The following ANKRD12 variants were observed in gnomAD, a reference collection of about 807,000 sequenced individuals.
ANKRD12 encodes the protein ankyrin repeat domain 12, also known as ankyrin repeat domain-containing protein 12.
ANKRD12 carries 85 observed loss-of-function variants against 183.4 expected under a neutral mutation model. The ratio of observed to expected loss-of-function variants is 0.46; its 90% confidence interval spans 0.39 to 0.56. The LOEUF (loss-of-function observed/expected upper bound fraction) is 0.56. Ranked by LOEUF, ANKRD12 falls within the 20% of genes least tolerant of loss-of-function variation. ANKRD12 has a pLI of 0.00. For missense variants in ANKRD12, 2,405 were observed against 2,357.1 expected (o/e 1.02, Z -0.42); for synonymous variants, 914 against 800.2 (o/e 1.14, Z -2.40).
chr18:9,243,340 C>T (rs2037766716), intron 8 of ANKRD12, among the ~76,000 whole-genome samples: 1 of 152,196 alleles, frequency 6.6e-6, no homozygotes, highest in South Asian at 2.1e-4. Flanking sequence ...GCTGAGATCA[C>T]TACTAACAAG....
chr18:9,230,101 G>A (rs1227372651), intron 8 of ANKRD12, among the ~76,000 whole-genome samples: 2 of 152,030 alleles, frequency 1.3e-5, no homozygotes, highest in African/African-American at 4.8e-5. Flanking sequence ...GTAATGCTTT[G>A]GTAGAATTCT....
At chr18:9,151,614 A>T (rs1007151841) in intron 1 of ANKRD12, among the ~76,000 whole-genome samples, 1 of 152,190 alleles carries the variant, frequency 6.6e-6, no homozygotes, top group African/African-American at 2.4e-5. Context: ...AATGACCCTT[A>T]AGGACCATTC....
At chr18:9,145,089 A>G (rs1404798773) in intron 1 of ANKRD12, among the ~76,000 whole-genome samples, 1 of 152,156 alleles carries the variant, frequency 6.6e-6, no homozygotes. Flanking sequence ...CAGTTTTACC[A>G]CAATGAACAA....
chr18:9,172,773 TGTG>T (rs1165367817), intron 1 of ANKRD12, among the ~76,000 whole-genome samples: 3 of 152,286 alleles, frequency 2.0e-5, no homozygotes, highest in Non-Finnish European at 4.4e-5. Flanking sequence ...GAAGAGGTGT[TGTG>T]GTAATTTAGA....
intron 9 of ANKRD12, among the ~76,000 whole-genome samples, chr18:9,261,666 A>G (rs1263827174): frequency 4.6e-5 from 7 of 152,178 alleles, no homozygotes; most frequent in South Asian, 2.1e-4. Context: ...CAAAACCGCA[A>G]TTACTTTTGC....
At chr18:9,194,162 A>C (rs1598512580) in intron 2 of ANKRD12, among the ~76,000 whole-genome samples, 1 of 152,062 alleles carries the variant, frequency 6.6e-6, no homozygotes, top group South Asian at 2.1e-4. Context: ...CTATGCATCA[A>C]AATTATGTGG....
At chr18:9,269,662 A>T (rs1452660868) in intron 10 of ANKRD12, among the ~76,000 whole-genome samples, 1 of 152,220 alleles carries the variant, frequency 6.6e-6, no homozygotes, top group Non-Finnish European at 1.5e-5. Context: ...AAAACCATAA[A>T]CACCCTAGAA....
At chr18:9,198,068 G>A (rs1195941730) in intron 3 of ANKRD12, among the ~76,000 whole-genome samples, 1 of 152,114 alleles carries the variant, frequency 6.6e-6, no homozygotes, top group Non-Finnish European at 1.5e-5. Context: ...GTACCATTAA[G>A]TGATATTTCC....
At chr18:9,252,664 G>A (rs1343484937) in intron 8 of ANKRD12, among the ~76,000 whole-genome samples, 1 of 152,196 alleles carries the variant, frequency 6.6e-6, no homozygotes, top group Non-Finnish European at 1.5e-5. Flanking sequence ...ACTCCCTTAA[G>A]ATAATTTACA....
intron 8 of ANKRD12, among the ~76,000 whole-genome samples, chr18:9,240,085 T>G (rs1351280759): frequency 6.6e-6 from 1 of 152,204 alleles, no homozygotes; most frequent in East Asian, 1.9e-4. Context: ...GTGATGTAAT[T>G]GATTTCCATG....
At chr18:9,219,644 A>G (rs1302725426) in intron 7 of ANKRD12, among the ~76,000 whole-genome samples, 1 of 151,830 alleles carries the variant, frequency 6.6e-6, no homozygotes, top group African/African-American at 2.4e-5. Flanking sequence ...TATAAAAACT[A>G]TTCTTAGCTG....
chr18:9,177,748 T>G (rs978209982), intron 1 of ANKRD12, among the ~76,000 whole-genome samples: 1 of 152,168 alleles, frequency 6.6e-6, no homozygotes, highest in African/African-American at 2.4e-5. Context: ...CACGTACCCT[T>G]CCTAGCCTCT....
chr18:9,265,693 G>A (rs192380157), intron 10 of ANKRD12, among the ~76,000 whole-genome samples: 51 of 152,180 alleles, frequency 3.4e-4, no homozygotes, highest in African/African-American at 1.2e-3. Flanking sequence ...CAGAAAAACT[G>A]GAAACTAAAA....
chr18:9,179,876 A>T (rs1019003235), intron 1 of ANKRD12, among the ~76,000 whole-genome samples: 18 of 152,186 alleles, frequency 1.2e-4, no homozygotes, highest in African/African-American at 4.1e-4. Flanking sequence ...TAAATTTGTT[A>T]AAGTTTGTTT....
intron 8 of ANKRD12, among the ~76,000 whole-genome samples, chr18:9,227,970 A>G (rs1272577720): frequency 2.0e-5 from 3 of 151,956 alleles, no homozygotes; most frequent in Admixed American, 6.6e-5. Flanking sequence ...TCCCCTTCCC[A>G]TTCTCTGGTA....
intron 2 of ANKRD12, among the ~76,000 whole-genome samples, chr18:9,186,750 CTTT>C (rs759387137): frequency 7.7e-5 from 9 of 117,254 alleles, no homozygotes; most frequent in Non-Finnish European, 1.1e-4. Context: ...CTTTGATTGT[CTTT>C]TTTTTTTTTT....
At chr18:9,251,418 T>A (rs963629046) in intron 8 of ANKRD12, among the ~76,000 whole-genome samples, 1 of 152,230 alleles carries the variant, frequency 6.6e-6, no homozygotes, top group Non-Finnish European at 1.5e-5. Context: ...ATATCTGAAG[T>A]CGCCTTGAGA....
chr18:9,278,741 G>C (rs537559734), intron 11 of ANKRD12, among the ~76,000 whole-genome samples: 2 of 151,906 alleles, frequency 1.3e-5, no homozygotes, highest in Non-Finnish European at 2.9e-5. Context: ...AGATTGCAGA[G>C]AGTCAAGATT....
chr18:9,269,010 C>A (rs2039455810), intron 10 of ANKRD12, among the ~76,000 whole-genome samples: 1 of 152,132 alleles, frequency 6.6e-6, no homozygotes, highest in African/African-American at 2.4e-5. Context: ...TGAGTGAACT[C>A]CCATTCACAA....
Sources: gnomAD v4.1 joint callset for allele counts (sites outside exome capture counted in the v4.1 genomes callset) on GRCh38, gnomAD v4.1.1 for gene constraint, MANE v1.5 for transcripts, NCBI Gene and HGNC (gene_info 2026-07-23, HGNC 2026-07-21) for gene names.